The following WDR12 variants were observed in gnomAD, a reference collection of about 807,000 sequenced individuals.
The protein encoded by WDR12 is ribosome biogenesis protein WDR12.
A neutral mutation model predicts 64.3 loss-of-function variants in WDR12; 42 were observed. That is an observed-to-expected ratio of 0.65 (90% confidence interval 0.51 to 0.84). The LOEUF (loss-of-function observed/expected upper bound fraction) is 0.84. WDR12 is among the 40% of genes least tolerant of loss of function. WDR12 has a pLI of 0.00. For synonymous variants in WDR12, 158 were observed against 173.3 expected (o/e 0.91, Z 0.70); for missense variants, 469 against 494.6 (o/e 0.95, Z 0.49).
At position 202,878,751 on chromosome 2, in the gene WDR12, G is replaced by A. The variant is rs1687901719; in HGVS notation, c.*2109C>T. 6.6e-6 allele frequency: 1 copy of A among 152,166 alleles called. No homozygotes were observed. The highest frequency in any genetic ancestry group is 1.5e-5 in the Non-Finnish European group (1 of 68,036). The allele number at this position is 152,166 out of a possible 1,614,324, so 9.4% of individuals were successfully genotyped here. On this transcript the variant is annotated 3_prime_UTR_variant, in exon 13 of 13. Transcript: ENST00000261015. The stretch of plus-strand genomic sequence containing the variant: ...CTGCAACAGGAACATCATTTGAGAT[G>A]TAATACCATCTAATAATGAGACCAA...
rs764602686 is a variant in WDR12 at position 202,883,586 on chromosome 2, T to TA, written c.1121+22dup. On this transcript the variant is annotated intron_variant, in intron 11 of 12. Coordinates refer to ENST00000261015, the MANE Select transcript of WDR12 (RefSeq NM_018256.4). ...TAACAGGTAATTGATATGTTTCTCT[T>TA]ATAGATCATAAATAGAATTTACCTT... The TA allele has an allele frequency of 4.4e-6, 7 of 1,607,820 alleles. No homozygotes were observed. In the African/African-American group the frequency reaches 5.3e-5, roughly 12 times the overall value.
intron 4 of WDR12, among the ~76,000 whole-genome samples, chr2:202,897,811 C>T (rs1688274352): frequency 1.4e-5 from 2 of 144,958 alleles, no homozygotes; most frequent in South Asian, 4.5e-4. Flanking sequence ...ATGGCGTGAA[C>T]CCAGGAGGCA....
intron 8 of WDR12, among the ~76,000 whole-genome samples, chr2:202,887,988 G>A (rs188984475): frequency 6.6e-6 from 1 of 150,468 alleles, no homozygotes; most frequent in Non-Finnish European, 1.5e-5. Flanking sequence ...ATTTATCCAA[G>A]ATAAATGAAA....
intron 1 of WDR12, among the ~76,000 whole-genome samples, chr2:202,908,647 T>C (rs571851191): frequency 1.4e-4 from 21 of 152,210 alleles, no homozygotes; most frequent in Non-Finnish European, 2.6e-4. Context: ...TTATATATCA[T>C]GTGAAATCAT....
At chr2:202,896,941 C>T (rs1688255356) in intron 5 of WDR12, among the ~76,000 whole-genome samples, 1 of 151,882 alleles carries the variant, frequency 6.6e-6, no homozygotes, top group African/African-American at 2.4e-5. Flanking sequence ...GAGCCGAGAT[C>T]ATGCCACTGC....
chr2:202,878,811 T>C lies in WDR12; in HGVS notation c.*2049A>G, dbSNP rs1213110847. The C allele has an allele frequency of 6.6e-6, 1 of 152,224 alleles. No individual in the cohort carries two copies. The highest frequency in any genetic ancestry group is 1.5e-5 in the Non-Finnish European group (1 of 68,040). 9.4% of individuals were successfully genotyped at this position (152,224 alleles called of 1,614,324 possible). ...CCAAATATTACTAAAAGGTTGTGAA[T>C]GCTCTACTTAAGGAGTATCAATCCA... On this transcript the variant is annotated 3_prime_UTR_variant, in exon 13 of 13. Transcript: ENST00000261015.
rs1408711232 is a variant in WDR12 at position 202,880,795 on chromosome 2, A to T, written c.*65T>A. ...TGCTTTCTGCATCTGCATCTATGTA[A>T]TTTCATGGTTCTCTACCAATTTCAT... is the stretch of plus-strand genomic sequence containing the variant. On this transcript the variant is annotated 3_prime_UTR_variant, in exon 13 of 13. Coordinates refer to ENST00000261015, the MANE Select transcript of WDR12 (RefSeq NM_018256.4). The T allele has an allele frequency of 1.5e-5, 22 of 1,465,540 alleles. 1 individual carries two copies. The highest frequency in any genetic ancestry group is 1.9e-5 in the Admixed American group (1 of 53,092). 90.8% of individuals were successfully genotyped at this position (1,465,540 alleles called of 1,614,324 possible).
At chr2:202,902,309 A>G (rs1339136049) in intron 2 of WDR12, among the ~76,000 whole-genome samples, 2 of 152,232 alleles carry the variant, frequency 1.3e-5, no homozygotes, top group Non-Finnish European at 2.9e-5. Context: ...GAATAGTTCA[A>G]CATACACAAA....
Position 202,897,375 on chromosome 2 carries a change from A to C in WDR12, c.379T>G (p.Ser127Ala). 1 of 1,596,418 alleles carries C rather than the reference A, an allele frequency of 6.3e-7. No individual in the cohort carries two copies. The highest frequency in any genetic ancestry group is 8.5e-7 in the Non-Finnish European group (1 of 1,172,902). Residue 127 changes from serine (S) to alanine (A), a missense_variant, in exon 5 of 13, where the codon TCC becomes GCC. Transcript: ENST00000261015. The stretch of plus-strand genomic sequence containing the variant: ...GTCATTATTGACTTTCCTTCCAAGG[A>C]CCAGATCCGAGAAGTCTTATCATAA... The part of the protein sequence containing the change: ...GSYDKTSRIW[S>A]LEGKSIMTIV...
chr2:202,887,650 AGGCTG>A (rs1688071172), intron 8 of WDR12, among the ~76,000 whole-genome samples: 4 of 151,954 alleles, frequency 2.6e-5, no homozygotes, highest in Admixed American at 2.0e-4. Flanking sequence ...GCACTTTGGG[AGGCTG>A]AGGCGGGTGG....
Position 202,884,414 on chromosome 2 carries a change from C to T in WDR12, c.863G>A (p.Gly288Asp), listed in dbSNP as rs773841750. Residue 288 changes from glycine (G) to aspartate (D), a missense_variant, in exon 9 of 13, where the codon GGC becomes GAC. Transcript: ENST00000261015. ...HTIRVWDVES[G>D]SLKSTLTGNK... ...TCTTACCAAAGTTGACTTAAGACTG[C>T]CAGACTCAACATCCCACACTCTAAT... is the stretch of plus-strand genomic sequence containing the variant. The T allele has an allele frequency of 2.5e-6, 4 of 1,614,078 alleles. No individual in the cohort carries two copies. Among genetic ancestry groups the T allele is most frequent in the South Asian group, 2.2e-5 (2 of 91,042 alleles).
intron 11 of WDR12, 49 bp downstream of exon 11, chr2:202,883,560 A>G (rs376225482): frequency 1.0e-5 from 16 of 1,573,588 alleles, no homozygotes; most frequent in East Asian, 2.2e-5. Flanking sequence ...TTTCCTTTCT[A>G]TAACAGGTAA....
intron 4 of WDR12, among the ~76,000 whole-genome samples, chr2:202,897,906 A>ATATATATAT (rs1201879973): frequency 7.5e-3 from 355 of 47,152 alleles, no homozygotes; most frequent in Middle Eastern, 0.045. Context: ...AAAAAAAAAA[A>ATATATATAT]AAATATATAT....
At chr2:202,900,994 T>C (rs1688338754) in intron 3 of WDR12, 31 bp downstream of exon 3, 1 of 1,530,372 alleles carries the variant, frequency 6.5e-7, no homozygotes, top group Admixed American at 1.8e-5. Flanking sequence ...ATGCCTCAAG[T>C]GAAATACAGA....
At chr2:202,884,597 T>A in intron 8 of WDR12, 62 bp from the exon 9 acceptor site, 1 of 1,504,820 alleles carries the variant, frequency 6.6e-7, no homozygotes, top group South Asian at 1.3e-5. Flanking sequence ...GAAACAATAA[T>A]AGTACTTATT....
intron 8 of WDR12, among the ~76,000 whole-genome samples, chr2:202,889,592 A>G (rs1688110816): frequency 1.3e-5 from 2 of 152,150 alleles, no homozygotes; most frequent in South Asian, 2.1e-4. Context: ...CATGACTTTA[A>G]TAAGTAACCA....
At chr2:202,908,632 G>A (rs546254151) in intron 1 of WDR12, among the ~76,000 whole-genome samples, 2 of 152,366 alleles carry the variant, frequency 1.3e-5, no homozygotes, top group African/African-American at 4.8e-5. Flanking sequence ...TACACATGGA[G>A]TGCTTTATAT....
At chr2:202,904,136 C>G (rs1270015634) in intron 2 of WDR12, among the ~76,000 whole-genome samples, 3 of 39,276 alleles carry the variant, frequency 7.6e-5, no homozygotes, top group African/African-American at 2.0e-4. Context: ...GAAACTCTGT[C>G]TCAAAAAAAA....
At chr2:202,903,296 A>C (rs1408476890) in intron 2 of WDR12, among the ~76,000 whole-genome samples, 1 of 152,156 alleles carries the variant, frequency 6.6e-6, no homozygotes, top group Non-Finnish European at 1.5e-5. Flanking sequence ...AACATACTTC[A>C]ACATAATAAA....
Sources: gnomAD v4.1 joint callset for allele counts (sites outside exome capture counted in the v4.1 genomes callset) on GRCh38, gnomAD v4.1.1 for gene constraint, MANE v1.5 for transcripts, NCBI Gene and HGNC (gene_info 2026-07-23, HGNC 2026-07-21) for gene names.